PPFIA2: variants seen among roughly 807,000 people sequenced by gnomAD.
The protein encoded by PPFIA2 is PPFI scaffold protein A2.
Under a neutral mutation model 175.5 loss-of-function variants are expected in PPFIA2, and 46 were observed. The observed-to-expected ratio is 0.26, with a 90% CI of 0.21 to 0.34. The LOEUF (loss-of-function observed/expected upper bound fraction) is 0.34, where lower values mean the gene tolerates loss of function less well. Ranked by LOEUF, PPFIA2 falls within the 10% of genes least tolerant of loss-of-function variation. PPFIA2 has a pLI of 1.00. For missense variants in PPFIA2, 1,179 were observed against 1,506.1 expected, an observed-to-expected ratio of 0.78 and a Z score of 3.60; for synonymous variants, 568 against 511.4, an observed-to-expected ratio of 1.11 and a Z score of -1.49.
chr12:81,332,249 T>A (rs1241583039), intron 21 of PPFIA2, among the ~76,000 whole-genome samples: 2 of 152,148 alleles, frequency 1.3e-5, no homozygotes, highest in East Asian at 3.9e-4. Context: ...GCTGGGTAAC[T>A]TGATCTTTGG....
At chr12:81,705,793 A>G (rs577116150) in intron 3 of PPFIA2, among the ~76,000 whole-genome samples, 2 of 152,302 alleles carry the variant, frequency 1.3e-5, no homozygotes, top group East Asian at 3.9e-4. Flanking sequence ...CCACTGTAGT[A>G]ATCATTTTTA....
At chr12:81,475,987 A>T (rs1474354282) in intron 4 of PPFIA2, among the ~76,000 whole-genome samples, 1 of 152,154 alleles carries the variant, frequency 6.6e-6, no homozygotes, top group South Asian at 2.1e-4. Flanking sequence ...GTAACTTTTT[A>T]TTGTCCCTCC....
At chr12:81,412,996 C>T (rs2044272365) in intron 7 of PPFIA2, among the ~76,000 whole-genome samples, 1 of 151,804 alleles carries the variant, frequency 6.6e-6, no homozygotes, top group African/African-American at 2.4e-5. Context: ...GCCTCTTAGT[C>T]ACTTAGCTTT....
chr12:81,393,311 T>A (rs1421955735), intron 8 of PPFIA2, among the ~76,000 whole-genome samples: 1 of 152,080 alleles, frequency 6.6e-6, no homozygotes, highest in Non-Finnish European at 1.5e-5. Flanking sequence ...TGAGTTTATT[T>A]TTTTCTTTAG....
intron 4 of PPFIA2, among the ~76,000 whole-genome samples, chr12:81,627,733 G>A (rs1567627928): frequency 6.6e-6 from 1 of 152,160 alleles, no homozygotes; most frequent in Non-Finnish European, 1.5e-5. Flanking sequence ...AAACGTTGCA[G>A]AGGTTTTTCC....
At chr12:81,479,755 A>T (rs534363039) in intron 4 of PPFIA2, among the ~76,000 whole-genome samples, 1 of 151,386 alleles carries the variant, frequency 6.6e-6, no homozygotes, top group South Asian at 2.1e-4. Flanking sequence ...ATTGGCCTCC[A>T]CTCTTCTGCA....
intron 7 of PPFIA2, among the ~76,000 whole-genome samples, chr12:81,413,366 A>G (rs1219530155): frequency 6.6e-6 from 1 of 151,888 alleles, no homozygotes; most frequent in African/African-American, 2.4e-5. Context: ...ATAGAGGAAT[A>G]TAAGAACTTG....
chr12:81,362,613 T>G, intron 15 of PPFIA2, 80 bp downstream of exon 15: 1 of 894,328 alleles, frequency 1.1e-6, no homozygotes, highest in Non-Finnish European at 1.7e-6. Context: ...TGATTTATTT[T>G]AGTTGAGGAC....
intron 6 of PPFIA2, among the ~76,000 whole-genome samples, chr12:81,442,470 T>C (rs1010147897): frequency 4.6e-5 from 7 of 151,998 alleles, no homozygotes; most frequent in African/African-American, 1.7e-4. Flanking sequence ...AGGGAAGGCA[T>C]ATATATTTAA....
At chr12:81,376,301 T>A (rs890761971) in intron 9 of PPFIA2, among the ~76,000 whole-genome samples, 9 of 152,186 alleles carry the variant, frequency 5.9e-5, no homozygotes, top group Non-Finnish European at 1.2e-4. Flanking sequence ...CATAAAATTG[T>A]TAAAATGGTG....
At chr12:81,717,605 T>C (rs940576172) in intron 3 of PPFIA2, among the ~76,000 whole-genome samples, 7 of 151,702 alleles carry the variant, frequency 4.6e-5, no homozygotes, top group African/African-American at 9.7e-5. Flanking sequence ...CTTCCTAAAA[T>C]AGTTAGGGCC....
chr12:81,575,296 A>G (rs1484459077), intron 4 of PPFIA2, among the ~76,000 whole-genome samples: 18 of 151,862 alleles, frequency 1.2e-4, no homozygotes, highest in Admixed American at 1.2e-3. Flanking sequence ...AATGATTCTC[A>G]CCACTCCTCT....
At chr12:81,286,797 T>C (rs1015855589) in intron 24 of PPFIA2, among the ~76,000 whole-genome samples, 2 of 152,052 alleles carry the variant, frequency 1.3e-5, no homozygotes, top group African/African-American at 4.8e-5. Context: ...GTATAGAATT[T>C]ATTTTCTTCT....
chr12:81,563,238 C>T (rs1405261654), intron 4 of PPFIA2, among the ~76,000 whole-genome samples: 1 of 152,150 alleles, frequency 6.6e-6, no homozygotes, highest in Non-Finnish European at 1.5e-5. Flanking sequence ...TCTGGGTCCC[C>T]CTTTCTTCTG....
intron 7 of PPFIA2, among the ~76,000 whole-genome samples, chr12:81,407,724 C>T (rs1231766589): frequency 2.0e-5 from 3 of 152,098 alleles, no homozygotes; most frequent in African/African-American, 4.8e-5. Context: ...CTAAAACATT[C>T]TTCCTCAGCT....
intron 4 of PPFIA2, among the ~76,000 whole-genome samples, chr12:81,603,395 C>T (rs546286259): frequency 3.3e-5 from 5 of 151,696 alleles, no homozygotes; most frequent in African/African-American, 4.8e-5. Context: ...ACAATAGACA[C>T]GAAGACTGTT....
At chr12:81,352,375 GAC>G (rs944039233) in intron 17 of PPFIA2, among the ~76,000 whole-genome samples, 3 of 141,296 alleles carry the variant, frequency 2.1e-5, no homozygotes, top group Admixed American at 2.1e-4. Context: ...GTGGGGGGCA[GAC>G]AGAGAGAGAG....
chr12:81,376,003 TGTTA>T lies in PPFIA2; in HGVS notation c.985-65_985-62del, dbSNP rs2036271549. 8 of 1,415,964 alleles carry T rather than the reference TGTTA, an allele frequency of 5.6e-6. No individual in the cohort carries two copies. In the South Asian group the frequency reaches 8.8e-5, roughly 16 times the overall value. 87.7% of individuals were successfully genotyped at this position (1,415,964 alleles called of 1,614,324 possible). A position where few individuals can be genotyped will look rare whatever the true frequency, so the allele number is the denominator to read the frequency against. ...TTCTCAGATTGTTTAATTATTGTCT[TGTTA>T]GTTAAATAAAAAAGAAACATAAAAA... is the stretch of plus-strand genomic sequence containing the variant. On this transcript the variant is annotated intron_variant, in intron 9 of 32. Transcript: ENST00000549396.
intron 4 of PPFIA2, among the ~76,000 whole-genome samples, chr12:81,529,295 A>G (rs982546334): frequency 6.6e-5 from 10 of 152,060 alleles, no homozygotes; most frequent in Non-Finnish European, 1.5e-4. Flanking sequence ...ATAGATTTCT[A>G]TAGTCAATCA....
Sources: gnomAD v4.1 joint callset for allele counts (sites outside exome capture counted in the v4.1 genomes callset) on GRCh38, gnomAD v4.1.1 for gene constraint, MANE v1.5 for transcripts, NCBI Gene and HGNC (gene_info 2026-07-23, HGNC 2026-07-21) for gene names.